Variants in TNIK observed in about 807,000 individuals in gnomAD.
TNIK encodes TRAF2 and NCK-interacting protein kinase.
A neutral mutation model predicts 191.3 loss-of-function variants in TNIK; 49 were observed. The ratio of observed to expected loss-of-function variants is 0.26; its 90% CI spans 0.20 to 0.32. The LOEUF (loss-of-function observed/expected upper bound fraction) is 0.32. TNIK is among the 10% of genes least tolerant of loss of function. The pLI is 1.00. For synonymous variants in TNIK, 594 were observed against 600.9 expected (o/e 0.99, Z 0.17); for missense variants, 1,155 against 1,702.3 (o/e 0.68, Z 5.66).
At chr3:171,234,765 A>T (rs1485457781) in intron 2 of TNIK, among the ~76,000 whole-genome samples, 2 of 152,250 alleles carry the variant, frequency 1.3e-5, no homozygotes, top group Non-Finnish European at 2.9e-5. Context: ...ATTCCGTGGC[A>T]GGGAGCCTAA....
chr3:171,148,717 A>G (rs1000424543), intron 12 of TNIK, among the ~76,000 whole-genome samples: 2 of 152,200 alleles, frequency 1.3e-5, no homozygotes, highest in Non-Finnish European at 2.9e-5. Flanking sequence ...TTTGTGGGAA[A>G]ACATTATTAA....
Position 171,183,644 on chromosome 3 carries a change from C to T in TNIK, c.639+5058G>A, listed in dbSNP as rs542735994. Among the ~76,000 whole-genome samples, 10 of 152,196 alleles carry T rather than the reference C, an allele frequency of 6.6e-5. No individual in the cohort carries two copies. In the East Asian group the frequency reaches 1.4e-3, roughly 21 times the overall value. ...TTTAGGGGTAAAAAATGGCCCCCAC[C>T]GGGTCCAGTGGCTCACGCTTGTAAT... On this transcript the variant is annotated intron_variant, in intron 7 of 32. Transcript: ENST00000436636.
intron 15 of TNIK, among the ~76,000 whole-genome samples, chr3:171,135,892 A>G (rs971637127): frequency 2.0e-5 from 3 of 152,240 alleles, no homozygotes; most frequent in Non-Finnish European, 4.4e-5. Context: ...GCCCCCAGGA[A>G]TGCCATGTCT....
At chr3:171,133,041 C>T (rs1010848901) in intron 15 of TNIK, among the ~76,000 whole-genome samples, 28 of 152,158 alleles carry the variant, frequency 1.8e-4, no homozygotes, top group African/African-American at 6.3e-4. Flanking sequence ...TGAGTAATAT[C>T]GTTGGGCAAA....
At chr3:171,411,815 C>T (rs370041690) in intron 1 of TNIK, among the ~76,000 whole-genome samples, 2 of 152,108 alleles carry the variant, frequency 1.3e-5, no homozygotes, top group African/African-American at 4.8e-5. Flanking sequence ...GAAATTACAC[C>T]GAAGCTGATC....
intron 1 of TNIK, among the ~76,000 whole-genome samples, chr3:171,440,773 T>C (rs943258218): frequency 6.6e-6 from 1 of 152,150 alleles, no homozygotes; most frequent in African/African-American, 2.4e-5. Flanking sequence ...AAATGGCACA[T>C]TATGATAGGG....
chr3:171,157,294 C>G (rs73882622), intron 12 of TNIK, among the ~76,000 whole-genome samples, 166 bp downstream of exon 12: 1 of 152,174 alleles, frequency 6.6e-6, no homozygotes, highest in African/African-American at 2.4e-5. Flanking sequence ...GCAAGGGAAG[C>G]CTTTTGTTTG....
chr3:171,201,428 A>T (rs193078447), intron 4 of TNIK, among the ~76,000 whole-genome samples: 88 of 152,098 alleles, frequency 5.8e-4, no homozygotes, highest in Non-Finnish European at 9.3e-4. Flanking sequence ...AATATAAATA[A>T]AAATAAATAA....
intron 2 of TNIK, among the ~76,000 whole-genome samples, chr3:171,296,609 C>T (rs1752313631): frequency 6.6e-6 from 1 of 152,204 alleles, no homozygotes; most frequent in African/African-American, 2.4e-5. Context: ...AGTTACCTCA[C>T]AGGATGTTTA....
intron 2 of TNIK, among the ~76,000 whole-genome samples, chr3:171,312,384 C>T (rs148380372): frequency 6.9e-4 from 105 of 151,824 alleles, no homozygotes; most frequent in African/African-American, 2.4e-3. Context: ...TAAATATTTC[C>T]GTTTTCAAAC....
chr3:171,350,595 TAA>T (rs71178208), intron 2 of TNIK, among the ~76,000 whole-genome samples: 155 of 97,990 alleles, frequency 1.6e-3, no homozygotes, highest in East Asian at 4.4e-3. Flanking sequence ...GCTCTGTTGC[TAA>T]AAAAAAAAAA....
intron 1 of TNIK, among the ~76,000 whole-genome samples, chr3:171,414,401 T>C (rs774349658): frequency 6.6e-6 from 1 of 152,240 alleles, no homozygotes; most frequent in Non-Finnish European, 1.5e-5. Flanking sequence ...CCCTTCCAAA[T>C]GAGAGCTAGA....
chr3:171,205,056 G>A (rs966874066), intron 4 of TNIK, among the ~76,000 whole-genome samples: 3 of 152,176 alleles, frequency 2.0e-5, no homozygotes, highest in Non-Finnish European at 2.9e-5. Flanking sequence ...TTGGCCCATG[G>A]TAAGCAGGTG....
At chr3:171,096,897 A>G (rs779749007) in intron 22 of TNIK, among the ~76,000 whole-genome samples, 9 of 152,370 alleles carry the variant, frequency 5.9e-5, no homozygotes, top group Admixed American at 2.6e-4. Flanking sequence ...TTGTAAAAAT[A>G]TAGCTCTTCT....
At chr3:171,108,381 AAAAG>A (rs1725306613) in intron 19 of TNIK, among the ~76,000 whole-genome samples, 1 of 152,226 alleles carries the variant, frequency 6.6e-6, no homozygotes, top group Admixed American at 6.5e-5. Context: ...AATTAAAAAA[AAAAG>A]AAATGTAGCA....
rs2292003 is a variant in TNIK at position 171,211,369 on chromosome 3, A to C, written c.181-128T>G. 0.038 allele frequency: 40,728 copies of C among 1,078,486 alleles called. 953 individuals are homozygous for C. Among genetic ancestry groups the C allele is most frequent in the South Asian group, 0.077 (4,556 of 59,518 alleles). 66.8% of individuals were successfully genotyped at this position (1,078,486 alleles called of 1,614,324 possible). On this transcript the variant is annotated intron_variant, in intron 3 of 32. Transcript: ENST00000436636. ...GTTGACAAATGAGCATAATTATTAC[A>C]TATGAGGGCAAAGAACAATTCTAAA...
chr3:171,271,559 C>T (rs1310950999), intron 2 of TNIK, among the ~76,000 whole-genome samples: 2 of 152,218 alleles, frequency 1.3e-5, no homozygotes, highest in South Asian at 4.1e-4. Flanking sequence ...ATGCCATTTC[C>T]TCCATAAAAA....
chr3:171,456,572 G>A (rs766444834), intron 1 of TNIK, among the ~76,000 whole-genome samples: 3 of 152,126 alleles, frequency 2.0e-5, no homozygotes, highest in Non-Finnish European at 4.4e-5. Context: ...ATGGACACAG[G>A]TTACTCAGAG....
At chr3:171,412,046 T>C (rs1271416565) in intron 1 of TNIK, among the ~76,000 whole-genome samples, 1 of 152,214 alleles carries the variant, frequency 6.6e-6, no homozygotes, top group African/African-American at 2.4e-5. Context: ...GAGGGGCTTC[T>C]TGAGAAACTT....
Sources: gnomAD v4.1 joint callset for allele counts (sites outside exome capture counted in the v4.1 genomes callset) on GRCh38, gnomAD v4.1.1 for gene constraint, MANE v1.5 for transcripts, NCBI Gene and HGNC (gene_info 2026-07-23, HGNC 2026-07-21) for gene names.